BPI: variants seen among roughly 807,000 people sequenced by gnomAD.
BPI encodes the protein bactericidal permeability increasing protein.
Under a neutral mutation model 57.6 loss-of-function variants are expected in BPI, and 48 were observed. The ratio of observed to expected loss-of-function variants is 0.83; its 90% CI spans 0.66 to 1.06. The LOEUF (loss-of-function observed/expected upper bound fraction) is 1.06, where lower values mean the gene tolerates loss of function less well. BPI is among the 50% of genes least tolerant of loss of function. BPI has a pLI of 0.00. For synonymous variants in BPI, 237 were observed against 238.2 expected, an observed-to-expected ratio of 0.99 and a Z score of 0.05; for missense variants, 651 against 609.7, an observed-to-expected ratio of 1.07 and a Z score of -0.71.
At chr20:38,325,048 G>A (rs1488206600) in intron 9 of BPI, among the ~76,000 whole-genome samples, 6 of 152,202 alleles carry the variant, frequency 3.9e-5, no homozygotes, top group Admixed American at 2.0e-4. Flanking sequence ...GGCAGGAGGT[G>A]GAGGGAGGGT....
chr20:38,336,999 G>C, intron 14 of BPI, 147 bp from the exon 15 acceptor site: 1 of 587,922 alleles, frequency 1.7e-6, no homozygotes, highest in Non-Finnish European at 2.8e-6. Flanking sequence ...TCCGGGCAGC[G>C]AAACACTGAG....
At chr20:38,311,672 G>A (rs1385980218) in intron 4 of BPI, among the ~76,000 whole-genome samples, 4 of 152,112 alleles carry the variant, frequency 2.6e-5, no homozygotes, top group Admixed American at 2.6e-4. Context: ...CAGCCATGCA[G>A]GGATTCAGGA....
At chr20:38,326,644 A>G (rs1038303464) in intron 10 of BPI, 3 of 494,248 alleles carry the variant, frequency 6.1e-6, no homozygotes, top group Non-Finnish European at 6.9e-6. Context: ...TTACTTATTC[A>G]TTCAATTATT....
At chr20:38,313,150 C>A (rs2076629471) in intron 5 of BPI, among the ~76,000 whole-genome samples, 1 of 152,034 alleles carries the variant, frequency 6.6e-6, no homozygotes, top group Admixed American at 6.6e-5. Context: ...TTTGGGAGGC[C>A]AAGGCAGGTG....
rs1221311089 is a variant in BPI, at chr20:38,307,568, C to T, written c.132C>T (p.Ala44=). 1.9e-6 allele frequency: 3 copies of T among 1,599,884 alleles called. No individual in the cohort carries two copies. Among genetic ancestry groups the T allele is most frequent in the Middle Eastern group, 1.7e-4 (1 of 5,900 alleles). The change falls in exon 2 of 15, where the codon GCC becomes GCT. Residue 44 remains alanine, a splice_region_variant and synonymous_variant. Coordinates refer to ENST00000642449, the MANE Select transcript of BPI (RefSeq NM_001725.3). The part of the protein sequence containing the change: ...VRISQKGLDY[A]SQQGTAALQK... ...GTCACCCCTGCCTTCTCCCTTCAGC[C>T]AGCCAGCAGGGGACGGCCGCTCTGC...
intron 8 of BPI, 112 bp from the exon 9 acceptor site, chr20:38,324,662 G>T: frequency 1.2e-6 from 1 of 865,960 alleles, no homozygotes; most frequent in South Asian, 1.4e-5. Context: ...TCACATAGGG[G>T]CTGGCCACTG....
chr20:38,307,911 G>A (rs933138380), intron 2 of BPI, among the ~76,000 whole-genome samples: 1 of 152,212 alleles, frequency 6.6e-6, no homozygotes, highest in Admixed American at 6.5e-5. Context: ...TGCGCCATAT[G>A]TCAATTAGAA....
chr20:38,326,975 A>G (rs939805801), intron 10 of BPI, among the ~76,000 whole-genome samples: 2 of 152,022 alleles, frequency 1.3e-5, no homozygotes, highest in Non-Finnish European at 2.9e-5. Context: ...TTATTCTTCA[A>G]TTCACATATT....
chr20:38,304,231 G>C lies in BPI; in HGVS notation c.8G>C (p.Arg3Thr), dbSNP rs2076586073. The change falls in exon 1 of 15, where the codon AGG becomes ACG. Residue 3 changes from arginine (R) to threonine (T), a missense_variant. Arg to Thr is a moderately conservative substitution (Grantham distance 71). Coordinates refer to ENST00000642449, the MANE Select transcript of BPI (RefSeq NM_001725.3). Reference sequence around the variant, plus strand: ...TGGAGGATGAGAGAGAACATGGCCAGGGGCCCTTGCAACGCGCCGAGATGG... The same window carrying C: ...TGGAGGATGAGAGAGAACATGGCCACGGGCCCTTGCAACGCGCCGAGATGG... MA[R>T]GPCNAPRWAS... 6.2e-7 allele frequency: 1 copy of C among 1,614,196 alleles called. No individual in the cohort carries two copies. Among genetic ancestry groups the C allele is most frequent in the African/African-American group, 1.3e-5 (1 of 75,052 alleles).
intron 11 of BPI, among the ~76,000 whole-genome samples, chr20:38,329,004 TC>T (rs2076728497): frequency 8.3e-6 from 1 of 119,944 alleles, no homozygotes; most frequent in South Asian, 3.0e-4. Context: ...AGACCCTGTC[TC>T]TAAATAAATA....
chr20:38,304,283 A>T lies in BPI; in HGVS notation c.60A>T (p.Ile20=). Residue 20 remains isoleucine (I), a synonymous_variant, in exon 1 of 15, where the codon ATA becomes ATT. Transcript: ENST00000642449. The part of the protein sequence containing the change: ...RWASLMVLVA[I]GTAVTAAVNP... The stretch of plus-strand genomic sequence containing the variant: ...CGTCCCTGATGGTGCTGGTCGCCAT[A>T]GGCACCGCCGTGACAGCGGCCGTCA... 1 of 1,614,092 alleles carries T rather than the reference A, an allele frequency of 6.2e-7. No homozygotes were observed. The highest frequency in any genetic ancestry group is 8.5e-7 in the Non-Finnish European group (1 of 1,180,010).
In BPI at chr20:38,318,402, G is replaced by A; in HGVS notation, c.601-11G>A. The A allele has an allele frequency of 6.2e-7, 1 of 1,611,284 alleles. No individual in the cohort carries two copies. The highest frequency in any genetic ancestry group is 8.5e-7 in the Non-Finnish European group (1 of 1,177,408). Reference sequence around the variant, plus strand: ...GAAGACCTTACTGATTACTTGTTTGGTTCTCCCCAGGTCTGCGAGAAAGTG... The same window carrying A: ...GAAGACCTTACTGATTACTTGTTTGATTCTCCCCAGGTCTGCGAGAAAGTG... On this transcript the variant is annotated splice_polypyrimidine_tract_variant and intron_variant, in intron 5 of 14. Coordinates refer to ENST00000642449, the MANE Select transcript of BPI (RefSeq NM_001725.3).
chr20:38,332,814 C>T (rs970052228), intron 12 of BPI, among the ~76,000 whole-genome samples: 3 of 152,142 alleles, frequency 2.0e-5, no homozygotes, highest in Admixed American at 6.5e-5. Context: ...GCATTGATGA[C>T]GAGTTGCCCC....
At chr20:38,307,989 G>T (rs1034413294) in intron 2 of BPI, among the ~76,000 whole-genome samples, 1 of 152,220 alleles carries the variant, frequency 6.6e-6, no homozygotes, top group Non-Finnish European at 1.5e-5. Context: ...TGGCTCACAT[G>T]GCCGGAAAGT....
intron 4 of BPI, among the ~76,000 whole-genome samples, chr20:38,311,428 G>A (rs566451070): frequency 6.6e-6 from 1 of 152,360 alleles, no homozygotes; most frequent in South Asian, 2.1e-4. Context: ...GGCTCTGACC[G>A]CATCTGGGAG....
chr20:38,335,911 C>CGATG (rs1424170961), intron 14 of BPI, among the ~76,000 whole-genome samples: 1 of 152,208 alleles, frequency 6.6e-6, no homozygotes, highest in African/African-American at 2.4e-5. Flanking sequence ...ATCACTGCAT[C>CGATG]GTTCCCACGC....
chr20:38,326,436 A>G lies in BPI; in HGVS notation c.1161+4A>G. 6.2e-7 allele frequency: 1 copy of G among 1,612,038 alleles called. No homozygotes were observed. The highest frequency in any genetic ancestry group is 1.7e-5 in the Admixed American group (1 of 59,818). ...TTCCCTCTTCCTGATTGGCATGGTA[A>G]GCAGTTCCTGGGTTGGACAGATGAG... On this transcript the variant is annotated splice_donor_region_variant and intron_variant, in intron 10 of 14. Transcript: ENST00000642449.
rs1442338581 is a variant in BPI at position 38,324,788 on chromosome 20, C to T, written c.948C>T (p.Ser316=). The part of the protein sequence containing the change: ...TLRDDMIPKE[S]KFRLTTKFFG... ...TCTTGCTACAGATTCCAAAGGAGTC[C>T]AAATTTCGACTGACAACCAAGTTCT... is the stretch of plus-strand genomic sequence containing the variant. The change falls in exon 9 of 15, where the codon TCC becomes TCT. Residue 316 remains serine (S), a synonymous_variant. Coordinates refer to ENST00000642449, the MANE Select transcript of BPI (RefSeq NM_001725.3). 6.2e-7 allele frequency: 1 copy of T among 1,613,048 alleles called. No individual in the cohort carries two copies. The highest frequency in any genetic ancestry group is 1.7e-5 in the Admixed American group (1 of 59,990).
intron 9 of BPI, among the ~76,000 whole-genome samples, chr20:38,325,518 T>C (rs1378868280): frequency 6.6e-6 from 1 of 152,162 alleles, no homozygotes; most frequent in Non-Finnish European, 1.5e-5. Flanking sequence ...TCTGGTGTCT[T>C]TTCTTATAAG....
Sources: gnomAD v4.1 joint callset for allele counts (sites outside exome capture counted in the v4.1 genomes callset) on GRCh38, gnomAD v4.1.1 for gene constraint, MANE v1.5 for transcripts, NCBI Gene and HGNC (gene_info 2026-07-23, HGNC 2026-07-21) for gene names.